Variants in KRT10 observed in about 807,000 individuals in gnomAD.
KRT10 encodes the protein keratin 10.
A neutral mutation model predicts 59.2 loss-of-function variants in KRT10; 40 were observed. The ratio of observed to expected loss-of-function variants is 0.68; its 90% CI spans 0.52 to 0.88. KRT10 has a LOEUF of 0.88. Ranked by LOEUF, KRT10 falls within the 40% of genes least tolerant of loss-of-function variation. The probability of loss-of-function intolerance (pLI) is 0.00; values close to 1 mark genes in which losing one functional copy is unlikely to be tolerated. For missense variants in KRT10, 719 were observed against 749.1 expected (o/e 0.96, Z 0.47); for synonymous variants, 336 against 310.7 (o/e 1.08, Z -0.86).
intron 7 of KRT10, 29 bp downstream of exon 7, chr17:40,818,758 T>G (rs750366116): frequency 1.3e-6 from 2 of 1,592,714 alleles, no homozygotes; most frequent in East Asian, 4.5e-5. Context: ...TAAAACTAAT[T>G]CTGATTACCC....
chr17:40,819,495 A>G, intron 6 of KRT10, 22 bp downstream of exon 6: 4 of 1,596,028 alleles, frequency 2.5e-6, no homozygotes, highest in Non-Finnish European at 3.4e-6. Flanking sequence ...AAACTGGGAT[A>G]ACTTTTCATT....
chr17:40,818,614 T>G, intron 7 of KRT10, 132 bp from the exon 8 acceptor site: 1 of 1,297,424 alleles, frequency 7.7e-7, no homozygotes, highest in Non-Finnish European at 1.1e-6. Flanking sequence ...AGGTATGACA[T>G]TTTGATCATG....
rs79174420 is a variant in KRT10, at chr17:40,818,469, G to A, written c.*7C>T. ...CTTCAATAATTGTCTTGATTACTCT[G>A]GTTTTGTTAGTATCTGTGTGAATGA... On this transcript the variant is annotated 3_prime_UTR_variant, in exon 8 of 8. Coordinates refer to ENST00000269576, the MANE Select transcript of KRT10 (RefSeq NM_000421.5). The A allele has an allele frequency of 8.2e-4, 1,323 of 1,610,434 alleles. 11 individuals are homozygous for A. In the African/African-American group the frequency reaches 0.016, roughly 20 times the overall value.
At position 40,819,063 on chromosome 17, in the gene KRT10, TGGCCGCCGCC is replaced by T; in HGVS notation, c.1462_1471del (p.Gly488ThrfsTer128). Reference sequence around the variant, plus strand: ...GTAGCCGCCGCCGGAACTGCCGCCGTGGCCGCCGCCGTGGCCGCCGCCGGAGCTTCCGCCG... The same window carrying T: ...GTAGCCGCCGCCGGAACTGCCGCCGTGTGGCCGCCGCCGGAGCTTCCGCCG... On this transcript the variant is annotated frameshift_variant, in exon 7 of 8. Transcript: ENST00000269576. LOFTEE classifies it high-confidence loss of function. 1 of 712,004 alleles carries T rather than the reference TGGCCGCCGCC, an allele frequency of 1.4e-6. No individual in the cohort carries two copies. Among genetic ancestry groups the T allele is most frequent in the Non-Finnish European group, 1.9e-6 (1 of 538,120 alleles). The allele number at this position is 712,004 out of a possible 1,614,324, so 44.1% of individuals were successfully genotyped here. A position where few individuals can be genotyped will look rare whatever the true frequency, so the allele number is the denominator to read the frequency against.
chr17:40,822,299 C>T lies in KRT10; in HGVS notation c.287G>A (p.Gly96Glu). 6.3e-7 allele frequency: 1 copy of T among 1,599,760 alleles called. No homozygotes were observed. Among genetic ancestry groups the T allele is most frequent in the South Asian group, 1.1e-5 (1 of 89,752 alleles). ...CCCTCCAAAGATGCCTCCATAACTC[C>T]CACCAAAGCTGCTACTTCCATAGCT... is the stretch of plus-strand genomic sequence containing the variant. ...RGSYGSSSFG[G>E]SYGGIFGGGS... is the part of the protein sequence containing the mutation. Residue 96 changes from glycine to glutamate, a missense_variant, in exon 1 of 8, where the codon GGG (glycine) becomes GAG (glutamate). Coordinates refer to ENST00000269576, the MANE Select transcript of KRT10 (RefSeq NM_000421.5).
chr17:40,820,662 T>G lies in KRT10; in HGVS notation c.716A>C (p.Glu239Ala), dbSNP rs751780283. ...LAADDFRLKY[E>A]NEVALRQSVE... Reference sequence around the variant, plus strand: ...GCTCTGGCGCAGAGCTACCTCATTCTCATACCTGAAACAAGCATGATATCA... The same window carrying G: ...GCTCTGGCGCAGAGCTACCTCATTCGCATACCTGAAACAAGCATGATATCA... The change falls in exon 3 of 8, where the codon GAG becomes GCG. Residue 239 changes from glutamate to alanine, a missense_variant. Physicochemically the swap from Glu to Ala is moderately radical, Grantham distance 107. Around this residue, in one of 4 missense-constraint regions of KRT10, gnomAD observed 221 missense variants for 277.8 expected, o/e 0.80. Transcript: ENST00000269576. 1.2e-6 allele frequency: 2 copies of G among 1,614,158 alleles called. No homozygotes were observed. The highest frequency in any genetic ancestry group is 1.7e-6 in the Non-Finnish European group (2 of 1,180,010).
intron 1 of KRT10, among the ~76,000 whole-genome samples, chr17:40,821,756 A>C (rs1322942383): frequency 6.6e-6 from 1 of 152,154 alleles, no homozygotes; most frequent in Non-Finnish European, 1.5e-5. Flanking sequence ...CATCCTCTTA[A>C]GACAAGTAGC....
In KRT10 at chr17:40,820,138, C is replaced by T; in HGVS notation, c.1066G>A (p.Glu356Lys). Residue 356 changes from glutamate (E) to lysine (K), a missense_variant, in exon 5 of 8, where the codon GAA (glutamate) becomes AAA (lysine). Transcript: ENST00000269576. ...ELTTEIDNNIEQISSYKSEIT... is the reference protein window; with the variant it reads ...ELTTEIDNNIKQISSYKSEIT... The stretch of plus-strand genomic sequence containing the variant: ...TCAGATTTATAGCTGGATATCTGTT[C>T]AATGTTATTATCAATTTCTGTAGTC... The T allele has an allele frequency of 6.2e-7, 1 of 1,613,770 alleles. No individual in the cohort carries two copies. The highest frequency in any genetic ancestry group is 8.5e-7 in the Non-Finnish European group (1 of 1,179,758).
chr17:40,818,604 A>G (rs983251112), intron 7 of KRT10, 122 bp from the exon 8 acceptor site: 5 of 1,268,008 alleles, frequency 3.9e-6, no homozygotes. Context: ...AAAATGCTTA[A>G]GGTATGACAT....
At chr17:40,820,467 A>G (rs765383937) in intron 3 of KRT10, 44 bp from the exon 4 acceptor site, 2 of 1,614,188 alleles carry the variant, frequency 1.2e-6, no homozygotes, top group Non-Finnish European at 8.5e-7. Flanking sequence ...CGAGGACCAT[A>G]ATGAACTCTC....
At position 40,820,606 on chromosome 17, in the gene KRT10, C is replaced by A; in HGVS notation, c.772G>T (p.Val258Leu). Residue 258 changes from valine (V) to leucine (L), a missense_variant, in exon 3 of 8, where the codon GTG (valine) becomes TTG (leucine). Physicochemically the swap from Val to Leu is conservative, Grantham distance 32. Around this residue, in one of 4 missense-constraint regions of KRT10, gnomAD observed 221 missense variants for 277.8 expected, o/e 0.80. Coordinates refer to ENST00000269576, the MANE Select transcript of KRT10 (RefSeq NM_000421.5). ...VEADINGLRR[V>L]LDELTLTKAD... The stretch of plus-strand genomic sequence containing the variant: ...TTGGTCAGGGTCAGCTCATCCAGCA[C>A]CCTACGCAGGCCGTTGATGTCAGCC... The A allele has an allele frequency of 6.2e-7, 1 of 1,614,232 alleles. No homozygotes were observed. Among genetic ancestry groups the A allele is most frequent in the Non-Finnish European group, 8.5e-7 (1 of 1,180,054 alleles).
rs1229927486 is a variant in KRT10 at position 40,822,595 on chromosome 17, G to C, written c.-10C>G. 6.3e-7 allele frequency: 1 copy of C among 1,599,876 alleles called. No homozygotes were observed. The highest frequency in any genetic ancestry group is 1.7e-5 in the Admixed American group (1 of 60,002). ...TGTATCGAACAGACATGGTGATGCT[G>C]TTTAGCCCAGGGAGTGCCTGCTACC... On this transcript the variant is annotated 5_prime_UTR_variant, in exon 1 of 8. Transcript: ENST00000269576.
Position 40,819,716 on chromosome 17 carries a change from A to T in KRT10, c.1174T>A (p.Ser392Thr), listed in dbSNP as rs2143135679. 1.2e-6 allele frequency: 2 copies of T among 1,614,208 alleles called. No homozygotes were observed. The highest frequency in any genetic ancestry group is 3.3e-4 in the Middle Eastern group (2 of 6,062). Residue 392 changes from serine (S) to threonine (T), a missense_variant, in exon 6 of 8, where the codon TCC (serine) becomes ACC (threonine). Coordinates refer to ENST00000269576, the MANE Select transcript of KRT10 (RefSeq NM_000421.5). Reference protein sequence around the residue: ...QLALKQSLEASLAETEGRYCV... With the variant: ...QLALKQSLEATLAETEGRYCV... ...TAGCGACCTTCTGTTTCTGCCAAGG[A>T]GGCTTCCAGGGATTGTTTCTGAAAC...
rs1203269211 is a variant in KRT10, at chr17:40,818,236, A to G, written c.*240T>C. On this transcript the variant is annotated 3_prime_UTR_variant, in exon 8 of 8. Transcript: ENST00000269576. ...TGAAAAGAAGAAATACAGAAACCAC[A>G]AAACACCTTGTAGACACCTTATTTT... 3 of 487,292 alleles carry G rather than the reference A, an allele frequency of 6.2e-6. No homozygotes were observed. Among genetic ancestry groups the G allele is most frequent in the Non-Finnish European group, 1.1e-5 (3 of 275,658 alleles). 30.2% of individuals were successfully genotyped at this position (487,292 alleles called of 1,614,324 possible).
chr17:40,822,014 C>A lies in KRT10; in HGVS notation c.572G>T (p.Gly191Val). The A allele has an allele frequency of 3.1e-6, 5 of 1,614,076 alleles. No individual in the cohort carries two copies. The highest frequency in any genetic ancestry group is 4.2e-6 in the Non-Finnish European group (5 of 1,180,010). Residue 191 changes from glycine (G) to valine (V), a missense_variant, in exon 1 of 8, where the codon GGG becomes GTG. This residue lies in a region of KRT10 where 221 missense variants were observed against 277.8 expected (regional missense o/e 0.80). Coordinates refer to ENST00000269576, the MANE Select transcript of KRT10 (RefSeq NM_000421.5). Reference protein sequence around the residue: ...WYEKHGNSHQGEPRDYSKYYK... With the variant: ...WYEKHGNSHQVEPRDYSKYYK... ...GTATTTGCTGTAGTCACGAGGCTCCCCCTGATGTGAGTTGCCATGCTTTTC... is the reference window on the plus strand; with the variant it reads ...GTATTTGCTGTAGTCACGAGGCTCCACCTGATGTGAGTTGCCATGCTTTTC...
rs750006944 is a variant in KRT10, at chr17:40,819,678, G to C, written c.1212C>G (p.Leu404=). 1.2e-6 allele frequency: 2 copies of C among 1,614,222 alleles called. No individual in the cohort carries two copies. The highest frequency in any genetic ancestry group is 3.3e-5 in the Admixed American group (2 of 60,026). The change falls in exon 6 of 8, where the codon CTC becomes CTG. Residue 404 remains leucine (L), a synonymous_variant. Coordinates refer to ENST00000269576, the MANE Select transcript of KRT10 (RefSeq NM_000421.5). The part of the protein sequence containing the change: ...AETEGRYCVQ[L]SQIQAQISAL... ...CGGATATCTGGGCCTGAATCTGTGA[G>C]AGCTGCACACAGTAGCGACCTTCTG...
Position 40,819,636 on chromosome 17 carries a change from C to A in KRT10, c.1254G>T (p.Leu418Phe). 1 of 1,614,184 alleles carries A rather than the reference C, an allele frequency of 6.2e-7. No individual in the cohort carries two copies. Among genetic ancestry groups the A allele is most frequent in the African/African-American group, 1.3e-5 (1 of 75,048 alleles). The change falls in exon 6 of 8, where the codon TTG becomes TTT. Residue 418 changes from leucine (L) to phenylalanine (F), a missense_variant. By Grantham distance (22) the Leu-to-Phe change is conservative. Transcript: ENST00000269576. ...ACTCGGTTTCAGCTCGAATCTGTTG[C>A]AACTGTTCTTCCAGAGCGGATATCT... ...QAQISALEEQLQQIRAETECQ... is the reference protein window; with the variant it reads ...QAQISALEEQFQQIRAETECQ...
In KRT10 at chr17:40,819,005, G is replaced by A. The variant is rs1357525374; in HGVS notation, c.1530C>T (p.Gly510=). 3.1e-6 allele frequency: 4 copies of A among 1,286,374 alleles called. No homozygotes were observed. Among genetic ancestry groups the A allele is most frequent in the South Asian group, 1.7e-5 (1 of 58,442 alleles). 79.7% of individuals were successfully genotyped at this position (1,286,374 alleles called of 1,614,324 possible). Residue 510 remains glycine (G), a synonymous_variant, in exon 7 of 8, where the codon GGC becomes GGT. Coordinates refer to ENST00000269576, the MANE Select transcript of KRT10 (RefSeq NM_000421.5). ...TGGAGCTTCCGCCCCCGTAGCCGCC[G>A]CCGGAGCTTCCGCCGCCGGAGCTTC... The part of the protein sequence containing the change: ...GGGSSGGGSS[G]GGYGGGSSSG...
chr17:40,818,661 A>G, intron 7 of KRT10, 126 bp downstream of exon 7: 1 of 1,493,364 alleles, frequency 6.7e-7, no homozygotes, highest in South Asian at 1.2e-5. Flanking sequence ...TAGTTTGTGA[A>G]CAAATGCAAA....
Sources: allele counts gnomAD v4.1 joint callset (sites outside exome capture counted in the v4.1 genomes callset), GRCh38; gene constraint gnomAD v4.1.1; regional missense constraint gnomAD v4.1.1; transcripts MANE v1.5; gene names NCBI Gene and HGNC (gene_info 2026-07-23, HGNC 2026-07-21).